Variants in MPPED2 observed in about 807,000 individuals in gnomAD.
MPPED2 encodes the protein metallophosphoesterase MPPED2.
MPPED2 carries 5 observed loss-of-function variants against 33.0 expected under a neutral mutation model. The observed-to-expected ratio is 0.15, with a 90% CI of 0.08 to 0.32. The LOEUF is 0.32. Ranked by LOEUF, MPPED2 falls within the 10% of genes least tolerant of loss-of-function variation. MPPED2 has a pLI of 1.00. For synonymous variants in MPPED2, 136 were observed against 141.9 expected (o/e 0.96, Z 0.29); for missense variants, 275 against 372.1 (o/e 0.74, Z 2.15).
intron 4 of MPPED2, among the ~76,000 whole-genome samples, chr11:30,433,139 C>T (rs1431563453): frequency 1.3e-5 from 2 of 152,094 alleles, no homozygotes; most frequent in Middle Eastern, 3.2e-3. Context: ...CATACTATGA[C>T]CAATAAATCT....
Position 30,522,387 on chromosome 11 carries a change from TACACACACACACAC to T in MPPED2, c.310+13593_310+13606del, listed in dbSNP as rs60549510. Among the ~76,000 whole-genome samples, 111 of 146,386 alleles carry T rather than the reference TACACACACACACAC, an allele frequency of 7.6e-4. 1 individual carries two copies. Among genetic ancestry groups the T allele is most frequent in the Non-Finnish European group, 1.4e-3 (96 of 66,230 alleles). ...TAAACTCAAATGCTTCAGGAAAACA[TACACACACACACAC>T]ACACACACACACACACACACACCTA... On this transcript the variant is annotated intron_variant, in intron 3 of 6. Coordinates refer to ENST00000358117, the MANE Select transcript of MPPED2 (RefSeq NM_001584.3).
chr11:30,584,127 C>G (rs1324552248), intron 1 of MPPED2: 1 of 152,084 alleles, frequency 6.6e-6, no homozygotes, highest in Non-Finnish European at 1.5e-5. Flanking sequence ...CGCACTTACA[C>G]CTGAACTTGT....
chr11:30,547,459 T>C (rs1955483459), intron 2 of MPPED2, among the ~76,000 whole-genome samples: 1 of 152,230 alleles, frequency 6.6e-6, no homozygotes, highest in African/African-American at 2.4e-5. Flanking sequence ...GTGATGTTTG[T>C]GTATGGCTAT....
At chr11:30,578,880 A>T (rs1957040771) in intron 2 of MPPED2, among the ~76,000 whole-genome samples, 1 of 152,202 alleles carries the variant, frequency 6.6e-6, no homozygotes, top group South Asian at 2.1e-4. Flanking sequence ...GAAAAACTTT[A>T]TCCATTTTTC....
intron 6 of MPPED2, among the ~76,000 whole-genome samples, chr11:30,404,987 C>G (rs546374270): frequency 2.0e-5 from 3 of 152,072 alleles, no homozygotes; most frequent in Non-Finnish European, 4.4e-5. Context: ...TATGCAGACA[C>G]GCAACAATCA....
At chr11:30,389,909 C>T (rs1947749798) in intron 6 of MPPED2, among the ~76,000 whole-genome samples, 1 of 152,154 alleles carries the variant, frequency 6.6e-6, no homozygotes, top group Non-Finnish European at 1.5e-5. Flanking sequence ...TGGTCAAATA[C>T]ACAGAGTTCC....
At chr11:30,533,810 C>T (rs1954667276) in intron 3 of MPPED2, among the ~76,000 whole-genome samples, 1 of 152,166 alleles carries the variant, frequency 6.6e-6, no homozygotes, top group Non-Finnish European at 1.5e-5. Flanking sequence ...GACCATGCAG[C>T]TGTGCCTTGG....
At chr11:30,583,448 C>T (rs1957291059) in intron 1 of MPPED2, among the ~76,000 whole-genome samples, 1 of 152,028 alleles carries the variant, frequency 6.6e-6, no homozygotes, top group Non-Finnish European at 1.5e-5. Context: ...GAACCCAGGA[C>T]GAAATATCAA....
intron 3 of MPPED2, among the ~76,000 whole-genome samples, chr11:30,510,299 TAGC>T (rs1442407579): frequency 2.6e-5 from 4 of 152,224 alleles, no homozygotes; most frequent in African/African-American, 9.6e-5. Flanking sequence ...TTTCTGTGTC[TAGC>T]TACTGTTCTT....
intron 4 of MPPED2, among the ~76,000 whole-genome samples, chr11:30,442,046 G>A (rs1245397292): frequency 6.6e-6 from 1 of 152,212 alleles, no homozygotes; most frequent in Non-Finnish European, 1.5e-5. Flanking sequence ...CTGGCTCAGA[G>A]ATGGCCAGAA....
intron 4 of MPPED2, among the ~76,000 whole-genome samples, chr11:30,472,445 A>G (rs1363061678): frequency 6.6e-6 from 1 of 152,192 alleles, no homozygotes; most frequent in African/African-American, 2.4e-5. Context: ...CTGTGACTCA[A>G]CAGAGATTTT....
chr11:30,525,898 A>C (rs973298158), intron 3 of MPPED2, among the ~76,000 whole-genome samples: 1 of 152,324 alleles, frequency 6.6e-6, no homozygotes, highest in African/African-American at 2.4e-5. Flanking sequence ...GGATCACAAA[A>C]GACCTAGTCA....
At chr11:30,509,440 T>A (rs193153370) in intron 3 of MPPED2, among the ~76,000 whole-genome samples, 2 of 152,308 alleles carry the variant, frequency 1.3e-5, no homozygotes, top group Admixed American at 1.3e-4. Context: ...AATGGAATAG[T>A]CATTCATTAT....
At chr11:30,545,139 A>G (rs1955342459) in intron 2 of MPPED2, among the ~76,000 whole-genome samples, 1 of 152,128 alleles carries the variant, frequency 6.6e-6, no homozygotes, top group Non-Finnish European at 1.5e-5. Context: ...GAGGGCATGG[A>G]AAACATCTTT....
chr11:30,392,429 T>C (rs544696585), intron 6 of MPPED2, among the ~76,000 whole-genome samples: 15 of 152,376 alleles, frequency 9.8e-5, no homozygotes, highest in Non-Finnish European at 2.2e-4. Context: ...CAATAATTAC[T>C]TTAACATAGG....
intron 3 of MPPED2, among the ~76,000 whole-genome samples, chr11:30,532,028 G>A (rs906961090): frequency 3.9e-5 from 6 of 152,202 alleles, no homozygotes; most frequent in Non-Finnish European, 5.9e-5. Context: ...GAACTGTTAA[G>A]TTCACCAAGG....
intron 6 of MPPED2, among the ~76,000 whole-genome samples, chr11:30,393,582 C>T (rs1947805696): frequency 6.6e-6 from 1 of 150,586 alleles, no homozygotes; most frequent in South Asian, 2.1e-4. Context: ...ATAATATAAC[C>T]TCCCAGGAGT....
chr11:30,430,571 T>C (rs1949033758), intron 4 of MPPED2, among the ~76,000 whole-genome samples: 1 of 152,246 alleles, frequency 6.6e-6, no homozygotes. Flanking sequence ...ATACTATGAT[T>C]CAGTAATCCC....
intron 4 of MPPED2, among the ~76,000 whole-genome samples, chr11:30,488,553 G>A (rs1476553209): frequency 6.6e-6 from 1 of 152,226 alleles, no homozygotes; most frequent in Non-Finnish European, 1.5e-5. Context: ...ACTGGCTTTG[G>A]AAATGGTATT....
Sources: gnomAD v4.1 joint callset for allele counts (sites outside exome capture counted in the v4.1 genomes callset) on GRCh38, gnomAD v4.1.1 for gene constraint, MANE v1.5 for transcripts, NCBI Gene and HGNC (gene_info 2026-07-23, HGNC 2026-07-21) for gene names.